The following POGZ variants were observed in gnomAD, a reference collection of about 807,000 sequenced individuals.
POGZ encodes the protein pogo transposable element with ZNF domain.
In POGZ, 17 loss-of-function variants were observed where a neutral mutation model predicts 134.6. That is an observed-to-expected ratio of 0.13 (90% CI 0.09 to 0.19). The LOEUF is 0.19. Ranked by LOEUF, POGZ falls within the 10% of genes least tolerant of loss-of-function variation. The probability of loss-of-function intolerance (pLI) is 1.00; values close to 1 mark genes in which losing one functional copy is unlikely to be tolerated. For missense variants in POGZ, 1,306 were observed against 1,769.7 expected (o/e 0.74, Z 4.70); for synonymous variants, 693 against 657.1 (o/e 1.05, Z -0.84).
In POGZ at chr1:151,436,026, G is replaced by C. The variant is rs533208490; in HGVS notation, c.283+4902C>G. On this transcript the variant is annotated intron_variant, in intron 3 of 18. Coordinates refer to ENST00000271715, the MANE Select transcript of POGZ (RefSeq NM_015100.4). ...GGCTGGAGTGCAGTGGCGTGATCTC[G>C]GCTCACTGTAACCTCCGCCTCCCAG... Among the ~76,000 whole-genome samples, 353 of 141,162 alleles carry C rather than the reference G, an allele frequency of 2.5e-3. 1 individual carries two copies. The highest frequency in any genetic ancestry group is 4.0e-3 in the Non-Finnish European group (257 of 64,870). The allele number at this position is 141,162 out of a possible 152,430, so 92.6% of individuals were successfully genotyped here. A position where few individuals can be genotyped will look rare whatever the true frequency, so the allele number is the denominator to read the frequency against.
intron 1 of POGZ, among the ~76,000 whole-genome samples, chr1:151,458,796 CCG>C (rs1663113924): frequency 6.9e-6 from 1 of 145,352 alleles, no homozygotes; most frequent in Non-Finnish European, 1.5e-5. Context: ...GTGTGCGGGG[CCG>C]TGGGGCGCGA....
intron 3 of POGZ, among the ~76,000 whole-genome samples, chr1:151,433,220 C>T (rs181379098): frequency 1.3e-5 from 2 of 152,210 alleles, no homozygotes; most frequent in African/African-American, 2.4e-5. Flanking sequence ...TCCATGAAAC[C>T]CGTAAATACC....
chr1:151,427,238 G>T (rs899608136), intron 7 of POGZ: 4 of 153,422 alleles, frequency 2.6e-5, no homozygotes, highest in Non-Finnish European at 4.4e-5. Context: ...TGAAATAAAA[G>T]AATAAAACTT....
At chr1:151,423,866 T>C in intron 9 of POGZ, 83 bp downstream of exon 9, 1 of 1,098,428 alleles carries the variant, frequency 9.1e-7, no homozygotes, top group Non-Finnish European at 1.3e-6. Flanking sequence ...AGGTCCATTC[T>C]CCAAAGAGAA....
intron 1 of POGZ, among the ~76,000 whole-genome samples, chr1:151,445,879 A>T (rs1379905161): frequency 6.6e-6 from 1 of 152,122 alleles, no homozygotes; most frequent in Non-Finnish European, 1.5e-5. Context: ...CAGCAAACCA[A>T]AAATAGAAAA....
At chr1:151,441,398 G>A (rs996542880) in intron 2 of POGZ, among the ~76,000 whole-genome samples, 2 of 152,128 alleles carry the variant, frequency 1.3e-5, no homozygotes, top group East Asian at 1.9e-4. Context: ...ATTACCACTA[G>A]TGGTATTCAT....
intron 3 of POGZ, among the ~76,000 whole-genome samples, chr1:151,440,017 A>C (rs1660267222): frequency 6.6e-6 from 1 of 152,200 alleles, no homozygotes; most frequent in Non-Finnish European, 1.5e-5. Flanking sequence ...TTAAGGGGAA[A>C]AGGCAGGCAG....
intron 1 of POGZ, among the ~76,000 whole-genome samples, chr1:151,458,946 G>T (rs1375984567): frequency 1.4e-5 from 2 of 143,560 alleles, no homozygotes; most frequent in African/African-American, 2.5e-5. Flanking sequence ...CTCGCGCGCC[G>T]CACCCCGCGG....
chr1:151,416,210 C>CAAAA lies in POGZ; in HGVS notation c.1679-3818_1679-3815dup, dbSNP rs1212371839. 6.8e-3 allele frequency among the ~76,000 whole-genome samples: 287 copies of CAAAA among 42,450 alleles called. 2 individuals carry two copies. Among genetic ancestry groups the CAAAA allele is most frequent in the Non-Finnish European group, 7.7e-3 (202 of 26,386 alleles). 27.8% of individuals were successfully genotyped at this position (42,450 alleles called of 152,430 possible). A position where few individuals can be genotyped will look rare whatever the true frequency, so the allele number is the denominator to read the frequency against. On this transcript the variant is annotated intron_variant, in intron 10 of 18. Transcript: ENST00000271715. Reference sequence around the variant, plus strand: ...GGGTGACAAGAGTGAAACTCCATCTCAAAAAAAAAAAAAAAAAAAAAAAAA... The same window carrying CAAAA: ...GGGTGACAAGAGTGAAACTCCATCTCAAAAAAAAAAAAAAAAAAAAAAAAAAAAA...
intron 1 of POGZ, among the ~76,000 whole-genome samples, chr1:151,457,982 G>A (rs1424158641): frequency 1.3e-5 from 2 of 151,382 alleles, no homozygotes; most frequent in Admixed American, 1.3e-4. Flanking sequence ...GCGGCGGTAA[G>A]AGGTGTCTAC....
intron 3 of POGZ, among the ~76,000 whole-genome samples, chr1:151,439,798 C>T (rs890975084): frequency 1.3e-5 from 2 of 152,166 alleles, no homozygotes; most frequent in Admixed American, 1.3e-4. Context: ...ACTGTGATGA[C>T]CTTTGAGCCA....
chr1:151,447,642 ATTTTTTTTTTTTTT>A (rs35308281), intron 1 of POGZ, among the ~76,000 whole-genome samples: 3 of 52,986 alleles, frequency 5.7e-5, no homozygotes, highest in African/African-American at 1.3e-4. Context: ...TGTCTGGCTA[ATTTTTTTTTTTTTT>A]TTTTTTTTTT....
rs770222629 is a variant in POGZ, at chr1:151,423,452, A to G, written c.1623T>C (p.Thr541=). The G allele has an allele frequency of 2.5e-5, 41 of 1,613,944 alleles. No homozygotes were observed. The Admixed American group carries it at 6.8e-4, about 27-fold the overall frequency. The change falls in exon 10 of 19, where the codon ACT becomes ACC. Residue 541 remains threonine (T), a synonymous_variant. Transcript: ENST00000271715. Reference sequence around the variant, plus strand: ...CCAAGTGGCACTGAAGCTGGAAGGGAGTGGAAAACTGGCGGTAACAGTGCT... The same window carrying G: ...CCAAGTGGCACTGAAGCTGGAAGGGGGTGGAAAACTGGCGGTAACAGTGCT... ...ICQHCYRQFS[T]PFQLQCHLEN...
chr1:151,406,122 C>T lies in POGZ; in HGVS notation c.2913G>A (p.Glu971=), dbSNP rs113903415. 2.1e-4 allele frequency: 338 copies of T among 1,614,236 alleles called. 1 individual carries two copies. The African/African-American group carries it at 4.0e-3, about 19-fold the overall frequency. Residue 971 remains glutamate, a synonymous_variant, in exon 19 of 19, where the codon GAG becomes GAA. Coordinates refer to ENST00000271715, the MANE Select transcript of POGZ (RefSeq NM_015100.4). The part of the protein sequence containing the change: ...GGGSGGVGKK[E]QLSVKKLRVV... ...CTCGAAGCTTCTTCACAGACAGCTGCTCCTTTTTGCCAACTCCACCACTAC... is the reference window on the plus strand; with the variant it reads ...CTCGAAGCTTCTTCACAGACAGCTGTTCCTTTTTGCCAACTCCACCACTAC...
At chr1:151,437,571 G>GTGAA (rs780001386) in intron 3 of POGZ, among the ~76,000 whole-genome samples, 14 of 152,092 alleles carry the variant, frequency 9.2e-5, no homozygotes, top group Non-Finnish European at 8.8e-5. Flanking sequence ...GGCCAACATG[G>GTGAA]TGAAACCCCA....
intron 10 of POGZ, among the ~76,000 whole-genome samples, chr1:151,413,130 G>A (rs1158129833): frequency 1.7e-5 from 2 of 119,602 alleles, no homozygotes; most frequent in African/African-American, 6.5e-5. Flanking sequence ...TTTTTTAAGA[G>A]ACAGAATCTC....
chr1:151,445,244 G>A (rs964532070), intron 1 of POGZ, among the ~76,000 whole-genome samples: 5 of 152,092 alleles, frequency 3.3e-5, no homozygotes, highest in Non-Finnish European at 5.9e-5. Context: ...CAACTTGGCT[G>A]GACACAGTGG....
At chr1:151,419,024 C>CAAAAAAAAAAA (rs71090164) in intron 10 of POGZ, among the ~76,000 whole-genome samples, 2 of 52,158 alleles carry the variant, frequency 3.8e-5, no homozygotes, top group Admixed American at 2.2e-4. Context: ...AGCTCTGTCT[C>CAAAAAAAAAAA]AAAAAAAAAA....
At chr1:151,437,645 G>T (rs1659844753) in intron 3 of POGZ, among the ~76,000 whole-genome samples, 1 of 151,904 alleles carries the variant, frequency 6.6e-6, no homozygotes, top group African/African-American at 2.4e-5. Flanking sequence ...CCAGCTACTG[G>T]GGTGGGTGAG....
Sources: gnomAD v4.1 joint callset for allele counts (sites outside exome capture counted in the v4.1 genomes callset) on GRCh38, gnomAD v4.1.1 for gene constraint, MANE v1.5 for transcripts, NCBI Gene and HGNC (gene_info 2026-07-23, HGNC 2026-07-21) for gene names.